TMC1: variants seen among roughly 807,000 people sequenced by gnomAD.
TMC1 encodes transmembrane channel-like protein 1.
In TMC1, 84 loss-of-function variants were observed where a neutral mutation model predicts 105.8. The observed-to-expected ratio is 0.79, with a 90% CI of 0.67 to 0.95. TMC1 has a LOEUF of 0.95. Among genes scored for constraint, TMC1 ranks in the 40% least tolerant of loss-of-function variants. The probability of loss-of-function intolerance (pLI) is 0.00; values close to 1 mark genes in which losing one functional copy is unlikely to be tolerated. For missense variants in TMC1, 817 were observed against 914.1 expected (o/e 0.89, Z 1.37); for synonymous variants, 315 against 311.5 (o/e 1.01, Z -0.12).
intron 2 of TMC1, among the ~76,000 whole-genome samples, chr9:72,581,424 C>G (rs1824472717): frequency 6.6e-6 from 1 of 152,100 alleles, no homozygotes; most frequent in Non-Finnish European, 1.5e-5. Context: ...TGGATTATAT[C>G]CTAACTGGAA....
rs966679302 is a variant in TMC1 at position 72,836,697 on chromosome 9, A to AT, written c.*726dup. 4.6e-5 allele frequency: 7 copies of AT among 152,232 alleles called. No individual in the cohort carries two copies. Among genetic ancestry groups the AT allele is most frequent in the African/African-American group, 1.4e-4 (6 of 41,558 alleles). The allele number at this position is 152,232 out of a possible 1,614,324, so 9.4% of individuals were successfully genotyped here. A position where few individuals can be genotyped will look rare whatever the true frequency, so the allele number is the denominator to read the frequency against. ...ACAACCTAGCTTTTTATGAGATAAA[A>AT]TTAAAAAAAAAAGGAAAGACATCAT... On this transcript the variant is annotated 3_prime_UTR_variant, in exon 24 of 24. Coordinates refer to ENST00000297784, the MANE Select transcript of TMC1 (RefSeq NM_138691.3).
chr9:72,724,190 C>G (rs2117957277), intron 8 of TMC1, among the ~76,000 whole-genome samples: 1 of 152,188 alleles, frequency 6.6e-6, no homozygotes, highest in South Asian at 2.1e-4. Context: ...ATATCACAGA[C>G]TGGATAATAT....
intron 8 of TMC1, among the ~76,000 whole-genome samples, chr9:72,722,405 A>G (rs1413665601): frequency 2.0e-5 from 3 of 152,206 alleles, no homozygotes; most frequent in East Asian, 1.9e-4. Flanking sequence ...TTGGCATCCT[A>G]TGCTTCTTCC....
At chr9:72,633,175 A>T (rs945858928) in intron 4 of TMC1, among the ~76,000 whole-genome samples, 2 of 152,214 alleles carry the variant, frequency 1.3e-5, no homozygotes, top group East Asian at 3.8e-4. Flanking sequence ...TCATGGGTCC[A>T]CTGTAACCTG....
intron 12 of TMC1, among the ~76,000 whole-genome samples, chr9:72,770,939 A>G (rs1170569127): frequency 1.3e-5 from 2 of 152,134 alleles, no homozygotes; most frequent in South Asian, 2.1e-4. Context: ...GGGGAGGGCA[A>G]TCTACTTTAC....
At chr9:72,534,313 G>A (rs1326327704) in intron 1 of TMC1, among the ~76,000 whole-genome samples, 1 of 152,080 alleles carries the variant, frequency 6.6e-6, no homozygotes, top group African/African-American at 2.4e-5. Context: ...TGGTTGTGGG[G>A]TAGGGCCATG....
At position 72,792,187 on chromosome 9, in the gene TMC1, C is replaced by G. The variant is rs1400988908; in HGVS notation, c.1405-4C>G. ...ATTTTAGTTTCTATCTCTTTGCTTT[C>G]TAGATTGAAGAGGAGAAGCTAGTAA... On this transcript the variant is annotated splice_polypyrimidine_tract_variant and splice_region_variant and intron_variant, in intron 16 of 23. Coordinates refer to ENST00000297784, the MANE Select transcript of TMC1 (RefSeq NM_138691.3). 6.2e-7 allele frequency: 1 copy of G among 1,614,060 alleles called. No individual in the cohort carries two copies. Among genetic ancestry groups the G allele is most frequent in the Non-Finnish European group, 8.5e-7 (1 of 1,179,990 alleles).
At chr9:72,717,075 C>T (rs931995797) in intron 8 of TMC1, among the ~76,000 whole-genome samples, 3 of 152,218 alleles carry the variant, frequency 2.0e-5, no homozygotes, top group Non-Finnish European at 1.5e-5. Context: ...TTGGCTTGCC[C>T]TCCTTGGGCT....
chr9:72,566,269 T>G (rs1824150807), intron 1 of TMC1, among the ~76,000 whole-genome samples: 1 of 152,218 alleles, frequency 6.6e-6, no homozygotes, highest in Non-Finnish European at 1.5e-5. Context: ...CTCCTGGCCT[T>G]AAGTGATCCT....
At chr9:72,658,734 C>T (rs1825923324) in intron 5 of TMC1, among the ~76,000 whole-genome samples, 1 of 152,226 alleles carries the variant, frequency 6.6e-6, no homozygotes, top group African/African-American at 2.4e-5. Flanking sequence ...GATGATTATT[C>T]TCCCAAGAAG....
At chr9:72,537,276 C>CT (rs201493317) in intron 1 of TMC1, among the ~76,000 whole-genome samples, 134 of 152,018 alleles carry the variant, frequency 8.8e-4, no homozygotes, top group African/African-American at 2.0e-3. Context: ...CCTTTGGGGC[C>CT]TTTTTTTTCC....
intron 18 of TMC1, among the ~76,000 whole-genome samples, chr9:72,814,147 G>T (rs1331743686): frequency 1.3e-5 from 2 of 152,172 alleles, no homozygotes; most frequent in African/African-American, 2.4e-5. Context: ...GCCACCTCAT[G>T]ATACCATTCT....
intron 1 of TMC1, among the ~76,000 whole-genome samples, chr9:72,563,793 G>A (rs540811033): frequency 8.3e-4 from 125 of 151,360 alleles, no homozygotes; most frequent in Admixed American, 1.9e-3. Context: ...CCAGCTATTC[G>A]GGAGGCTGAG....
At chr9:72,557,382 C>A (rs1399976133) in intron 1 of TMC1, among the ~76,000 whole-genome samples, 2 of 149,908 alleles carry the variant, frequency 1.3e-5, no homozygotes, top group East Asian at 3.9e-4. Flanking sequence ...AACAAACAAA[C>A]AAAAAAACAG....
chr9:72,701,279 C>T (rs72733032), intron 8 of TMC1, among the ~76,000 whole-genome samples: 6,065 of 152,264 alleles, frequency 0.04, 179 homozygotes, highest in Non-Finnish European at 0.061. Flanking sequence ...CAATTTCAGT[C>T]TTATGTTGAT....
chr9:72,581,051 A>G (rs1380817360), intron 2 of TMC1, among the ~76,000 whole-genome samples: 1 of 152,242 alleles, frequency 6.6e-6, no homozygotes, highest in African/African-American at 2.4e-5. Flanking sequence ...TCTGTAAAAC[A>G]GTTTGATCCT....
chr9:72,721,219 T>A (rs997475658), intron 8 of TMC1, among the ~76,000 whole-genome samples: 1 of 152,080 alleles, frequency 6.6e-6, no homozygotes, highest in African/African-American at 2.4e-5. Context: ...AAACAAAAGG[T>A]CTTTTATGTT....
At chr9:72,812,103 G>A (rs779789065) in intron 18 of TMC1, among the ~76,000 whole-genome samples, 17 of 152,176 alleles carry the variant, frequency 1.1e-4, no homozygotes, top group Non-Finnish European at 2.1e-4. Flanking sequence ...ACACCGTAAT[G>A]CTTGACTCTA....
chr9:72,592,920 A>C (rs1240159948), intron 2 of TMC1, among the ~76,000 whole-genome samples: 1 of 152,136 alleles, frequency 6.6e-6, no homozygotes, highest in Non-Finnish European at 1.5e-5. Flanking sequence ...GGGTGTGTGA[A>C]CCAGCAATAG....
Sources: allele counts gnomAD v4.1 joint callset (sites outside exome capture counted in the v4.1 genomes callset), GRCh38; gene constraint gnomAD v4.1.1; transcripts MANE v1.5; gene names NCBI Gene and HGNC (gene_info 2026-07-23, HGNC 2026-07-21).